Variants in ENAH observed in about 807,000 individuals in gnomAD.
ENAH encodes the protein ENAH actin regulator, also known as protein enabled homolog.
A neutral mutation model predicts 78.7 loss-of-function variants in ENAH; 23 were observed. The observed-to-expected ratio is 0.29, with a 90% confidence interval of 0.21 to 0.41. ENAH has a LOEUF of 0.41. ENAH is among the 10% of genes least tolerant of loss of function. The probability of loss-of-function intolerance (pLI) is 1.00; values close to 1 mark genes in which losing one functional copy is unlikely to be tolerated. For synonymous variants in ENAH, 226 were observed against 241.0 expected (o/e 0.94, Z 0.58); for missense variants, 544 against 691.0 (o/e 0.79, Z 2.39).
chr1:225,555,808 C>T (rs534635466), intron 2 of ENAH, among the ~76,000 whole-genome samples: 1 of 152,228 alleles, frequency 6.6e-6, no homozygotes, highest in South Asian at 2.1e-4. Context: ...AGCCACACTT[C>T]TAACATCATA....
intron 11 of ENAH, among the ~76,000 whole-genome samples, chr1:225,504,739 C>CG (rs1324988802): frequency 1.3e-5 from 2 of 152,118 alleles, no homozygotes; most frequent in Non-Finnish European, 2.9e-5. Flanking sequence ...TAAAAGAAAA[C>CG]GCTTAAGCTA....
intron 12 of ENAH, among the ~76,000 whole-genome samples, chr1:225,500,687 C>G (rs2096276920): frequency 6.6e-6 from 1 of 152,170 alleles, no homozygotes; most frequent in Non-Finnish European, 1.5e-5. Flanking sequence ...AAGACAGTCA[C>G]TGAAAAGTAA....
At chr1:225,508,415 T>C (rs2096351244) in intron 10 of ENAH, 1 of 152,900 alleles carries the variant, frequency 6.5e-6, no homozygotes, top group South Asian at 2.1e-4. Flanking sequence ...TATTTTTTAG[T>C]GCCAATGATA....
At chr1:225,584,320 A>T (rs1379426258) in intron 1 of ENAH, among the ~76,000 whole-genome samples, 1 of 152,244 alleles carries the variant, frequency 6.6e-6, no homozygotes, top group African/African-American at 2.4e-5. Flanking sequence ...CAAGGTTTCT[A>T]CATTTTATGC....
At chr1:225,553,152 C>T (rs923204504) in intron 3 of ENAH, among the ~76,000 whole-genome samples, 2 of 151,988 alleles carry the variant, frequency 1.3e-5, no homozygotes, top group Non-Finnish European at 2.9e-5. Flanking sequence ...GAGAATCACT[C>T]GAACCCGGGA....
At chr1:225,579,119 C>T (rs2151595810) in intron 1 of ENAH, among the ~76,000 whole-genome samples, 1 of 152,276 alleles carries the variant, frequency 6.6e-6, no homozygotes, top group Admixed American at 6.5e-5. Context: ...AGTGAATTAA[C>T]TTGACTAAAG....
At chr1:225,554,061 A>AAAAG (rs2096654561) in intron 3 of ENAH, among the ~76,000 whole-genome samples, 4 of 152,182 alleles carry the variant, frequency 2.6e-5, no homozygotes, top group Non-Finnish European at 5.9e-5. Flanking sequence ...CTACACTTTC[A>AAAAG]ACAAAGTATC....
chr1:225,642,389 G>A (rs934549748), intron 1 of ENAH, among the ~76,000 whole-genome samples: 1 of 152,134 alleles, frequency 6.6e-6, no homozygotes, highest in African/African-American at 2.4e-5. Flanking sequence ...TCTGGTAAGA[G>A]CTTTCATACT....
Position 225,567,270 on chromosome 1 carries a change from G to T in ENAH, c.150C>A (p.Gly50=). 6.2e-7 allele frequency: 1 copy of T among 1,613,692 alleles called. No individual in the cohort carries two copies. The part of the protein sequence containing the change: ...HTGNNTFRVV[G]RKIQDHQVVI... ...TTACCTGATGGTCCTGAATCTTCCT[G>T]CCCACCACTCTGAATGTGTTGTTGC... is the stretch of plus-strand genomic sequence containing the variant. Residue 50 remains glycine (G), a synonymous_variant, in exon 2 of 14, where the codon GGC becomes GGA. Coordinates refer to ENST00000366843, the MANE Select transcript of ENAH (RefSeq NM_018212.6).
chr1:225,534,497 C>A (rs1575438395), intron 3 of ENAH, among the ~76,000 whole-genome samples: 1 of 151,516 alleles, frequency 6.6e-6, no homozygotes. Context: ...TAAAATAATT[C>A]TCTTCATAGG....
rs34302060 is a variant in ENAH at position 225,492,360 on chromosome 1, T to G, written c.*5415A>C. On this transcript the variant is annotated 3_prime_UTR_variant, in exon 14 of 14. Coordinates refer to ENST00000366843, the MANE Select transcript of ENAH (RefSeq NM_018212.6). Reference sequence around the variant, plus strand: ...CCTCTGACCAGTTTACCGAGCTATTTAGATGTCCTAACTACTAGGAATTAT... The same window carrying G: ...CCTCTGACCAGTTTACCGAGCTATTGAGATGTCCTAACTACTAGGAATTAT... 6.6e-6 allele frequency: 1 copy of G among 152,182 alleles called. No homozygotes were observed. The highest frequency in any genetic ancestry group is 2.4e-5 in the African/African-American group (1 of 41,450). The allele number at this position is 152,182 out of a possible 1,614,324, so 9.4% of individuals were successfully genotyped here.
chr1:225,497,078 C>T lies in ENAH; in HGVS notation c.*697G>A, dbSNP rs2096252961. The T allele has an allele frequency of 6.6e-6, 1 of 152,588 alleles. No homozygotes were observed. Among genetic ancestry groups the T allele is most frequent in the Non-Finnish European group, 1.5e-5 (1 of 68,022 alleles). The allele number at this position is 152,588 out of a possible 1,614,324, so 9.5% of individuals were successfully genotyped here. ...GCATTGTAACAATTTAGGAAGGCAT[C>T]TAAATCTTTAAGTTCTGGACAAATT... On this transcript the variant is annotated 3_prime_UTR_variant, in exon 14 of 14. Transcript: ENST00000366843.
intron 1 of ENAH, among the ~76,000 whole-genome samples, chr1:225,583,433 C>CA (rs67324652): frequency 0.25 from 24,743 of 100,358 alleles, 2,642 homozygotes; most frequent in South Asian, 0.31. Flanking sequence ...GACCCTGTAT[C>CA]AAAAAAAAAA....
intron 4 of ENAH, among the ~76,000 whole-genome samples, chr1:225,525,709 A>G (rs1333757670): frequency 1.3e-5 from 2 of 152,184 alleles, no homozygotes; most frequent in Non-Finnish European, 1.5e-5. Flanking sequence ...AACAGAACAC[A>G]TCTTCCAATA....
At chr1:225,539,083 G>A (rs1042562429) in intron 3 of ENAH, among the ~76,000 whole-genome samples, 2 of 152,222 alleles carry the variant, frequency 1.3e-5, no homozygotes, top group African/African-American at 4.8e-5. Flanking sequence ...GCATCTATCA[G>A]AGTGTTGGTT....
intron 1 of ENAH, among the ~76,000 whole-genome samples, chr1:225,571,614 T>C (rs764809812): frequency 1.1e-4 from 16 of 152,146 alleles, no homozygotes; most frequent in African/African-American, 3.6e-4. Flanking sequence ...GGAAATATCA[T>C]GGCATGACTG....
At chr1:225,561,881 C>T (rs944929095) in intron 2 of ENAH, among the ~76,000 whole-genome samples, 7 of 152,060 alleles carry the variant, frequency 4.6e-5, no homozygotes, top group Admixed American at 2.0e-4. Context: ...CGCTCACTAT[C>T]TTATCCTGTC....
intron 1 of ENAH, among the ~76,000 whole-genome samples, chr1:225,592,953 A>G (rs1358003728): frequency 2.0e-5 from 3 of 152,036 alleles, no homozygotes; most frequent in East Asian, 3.9e-4. Context: ...CTCTCTCCAC[A>G]TCTAGTTCCT....
intron 3 of ENAH, among the ~76,000 whole-genome samples, chr1:225,535,841 G>A (rs548411260): frequency 2.6e-5 from 4 of 151,342 alleles, no homozygotes; most frequent in African/African-American, 9.7e-5. Flanking sequence ...TAAGTTATAC[G>A]GTCAAAGAGT....
Sources: gnomAD v4.1 joint callset for allele counts (sites outside exome capture counted in the v4.1 genomes callset) on GRCh38, gnomAD v4.1.1 for gene constraint, MANE v1.5 for transcripts, NCBI Gene and HGNC (gene_info 2026-07-23, HGNC 2026-07-21) for gene names.